VTI1A: variants seen among roughly 807,000 people sequenced by gnomAD.
The protein encoded by VTI1A is vesicle transport through interaction with t-SNAREs homolog 1A.
VTI1A carries 22 observed loss-of-function variants against 34.9 expected under a neutral mutation model. That is an observed-to-expected ratio of 0.63 (90% confidence interval 0.45 to 0.90). VTI1A has a LOEUF of 0.90. VTI1A is among the 40% of genes least tolerant of loss of function. VTI1A has a pLI of 0.00. For missense variants in VTI1A, 268 were observed against 275.6 expected (o/e 0.97, Z 0.20); for synonymous variants, 87 against 97.3 (o/e 0.89, Z 0.62).
intron 4 of VTI1A, among the ~76,000 whole-genome samples, chr10:112,532,231 C>T (rs1005192328): frequency 2.6e-5 from 4 of 152,104 alleles, no homozygotes; most frequent in Non-Finnish European, 4.4e-5. Context: ...TTGAGATATC[C>T]GGGCTATAGT....
At chr10:112,504,335 A>G in intron 3 of VTI1A, among the ~76,000 whole-genome samples, 1 of 152,142 alleles carries the variant, frequency 6.6e-6, no homozygotes, top group South Asian at 2.1e-4. Flanking sequence ...CTTTAAATAT[A>G]CACAAGCAAA....
intron 4 of VTI1A, chr10:112,533,617 T>C: frequency 1.1e-6 from 1 of 916,398 alleles, no homozygotes; most frequent in Non-Finnish European, 1.3e-6. Context: ...AGTTTTTAAA[T>C]CTGAAGTGGA....
At chr10:112,542,508 A>G (rs1850906938) in intron 5 of VTI1A, among the ~76,000 whole-genome samples, 1 of 152,096 alleles carries the variant, frequency 6.6e-6, no homozygotes, top group East Asian at 1.9e-4. Context: ...CCAGGTGGCC[A>G]CTGATCTCTC....
intron 5 of VTI1A, among the ~76,000 whole-genome samples, chr10:112,606,332 G>A (rs2134493217): frequency 6.6e-6 from 1 of 151,962 alleles, no homozygotes. Flanking sequence ...GCCATTGCGT[G>A]CTATTCTGAT....
chr10:112,691,088 G>A (rs12242366), intron 7 of VTI1A, among the ~76,000 whole-genome samples: 57 of 151,894 alleles, frequency 3.8e-4, no homozygotes, highest in Admixed American at 6.6e-4. Flanking sequence ...GCGAAACCCC[G>A]TCTCTACTAA....
intron 5 of VTI1A, among the ~76,000 whole-genome samples, chr10:112,616,355 A>G (rs1445261707): frequency 6.6e-6 from 1 of 152,208 alleles, no homozygotes; most frequent in Non-Finnish European, 1.5e-5. Flanking sequence ...TGGGATAGCT[A>G]AATTCGAAAC....
intron 3 of VTI1A, among the ~76,000 whole-genome samples, chr10:112,474,275 G>C (rs929797298): frequency 2.6e-5 from 4 of 151,700 alleles, no homozygotes; most frequent in African/African-American, 9.7e-5. Flanking sequence ...CTGTGGTCTC[G>C]ATCTCCTGAC....
intron 5 of VTI1A, among the ~76,000 whole-genome samples, chr10:112,642,900 T>C (rs1024627208): frequency 6.6e-6 from 1 of 152,076 alleles, no homozygotes; most frequent in Admixed American, 6.6e-5. Flanking sequence ...CTTTTGGACA[T>C]TGGTGACACT....
chr10:112,844,542 G>T, the VTI1A span, among the ~76,000 whole-genome samples: 2 of 152,250 alleles, frequency 1.3e-5, no homozygotes, highest in South Asian at 4.1e-4. Flanking sequence ...GGGATTACAG[G>T]TGCCCACCAC....
rs1055100841 is a variant in VTI1A, at chr10:112,636,491, C to T, written c.428-31727C>T. Reference sequence around the variant, plus strand: ...CAGTAATACCAGCACTTTGGGAGGCCGAGGTGGATGGATCACAAGGTCAAG... The same window carrying T: ...CAGTAATACCAGCACTTTGGGAGGCTGAGGTGGATGGATCACAAGGTCAAG... On this transcript the variant is annotated intron_variant, in intron 5 of 7. Coordinates refer to ENST00000393077, the MANE Select transcript of VTI1A (RefSeq NM_145206.4). Among the ~76,000 whole-genome samples, 19 of 151,932 alleles carry T rather than the reference C, an allele frequency of 1.3e-4. No homozygotes were observed. In the East Asian group the frequency reaches 2.1e-3, roughly 17 times the overall value.
the VTI1A span, among the ~76,000 whole-genome samples, chr10:112,852,646 GC>G: frequency 2.6e-5 from 4 of 152,238 alleles, no homozygotes; most frequent in Non-Finnish European, 5.9e-5. Flanking sequence ...TGTCTATGGT[GC>G]ATATCTGCTT....
intron 3 of VTI1A, among the ~76,000 whole-genome samples, chr10:112,472,122 C>G (rs571746054): frequency 6.6e-6 from 1 of 152,154 alleles, no homozygotes; most frequent in Non-Finnish European, 1.5e-5. Context: ...AGCTGAACTT[C>G]CTTTAAGACA....
At chr10:112,849,882 G>A in the VTI1A span, among the ~76,000 whole-genome samples, 2 of 152,288 alleles carry the variant, frequency 1.3e-5, no homozygotes, top group Admixed American at 1.3e-4. Context: ...CTGGCGAGGT[G>A]GGTGCAAGGG....
chr10:112,802,038 G>A (rs1289809644), intron 7 of VTI1A, among the ~76,000 whole-genome samples: 1 of 152,110 alleles, frequency 6.6e-6, no homozygotes, highest in Admixed American at 6.6e-5. Context: ...GCTGGAGCCC[G>A]GGAATTTGAG....
At position 112,668,927 on chromosome 10, in the gene VTI1A, C is replaced by T. The variant is rs763956230; in HGVS notation, c.499-10C>T. ...CATGAACTTCTGTTTTGTTTTGTTTCTTCTTGTAGCTTCGGGAAACAGATG... is the reference window on the plus strand; with the variant it reads ...CATGAACTTCTGTTTTGTTTTGTTTTTTCTTGTAGCTTCGGGAAACAGATG... On this transcript the variant is annotated splice_polypyrimidine_tract_variant and intron_variant, in intron 6 of 7. Coordinates refer to ENST00000393077, the MANE Select transcript of VTI1A (RefSeq NM_145206.4). The T allele has an allele frequency of 1.2e-6, 2 of 1,611,786 alleles. No individual in the cohort carries two copies. The highest frequency in any genetic ancestry group is 1.7e-6 in the Non-Finnish European group (2 of 1,178,436).
chr10:112,822,124 A>G (rs1853665456), downstream of VTI1A, among the ~76,000 whole-genome samples: 1 of 152,072 alleles, frequency 6.6e-6, no homozygotes, highest in Admixed American at 6.5e-5. Flanking sequence ...GACCCACTAC[A>G]TGAGGGAGCC....
intron 7 of VTI1A, among the ~76,000 whole-genome samples, chr10:112,706,148 G>T (rs1849189914): frequency 6.6e-6 from 1 of 152,244 alleles, no homozygotes; most frequent in African/African-American, 2.4e-5. Context: ...CACGTCCTCA[G>T]AGAAAGTGCT....
At chr10:112,782,215 C>T (rs551561103) in intron 7 of VTI1A, among the ~76,000 whole-genome samples, 2 of 152,376 alleles carry the variant, frequency 1.3e-5, no homozygotes, top group South Asian at 2.1e-4. Flanking sequence ...CTCATCAGAG[C>T]GCTTGCTGGA....
At chr10:112,482,314 T>C (rs1848484735) in intron 3 of VTI1A, among the ~76,000 whole-genome samples, 1 of 152,194 alleles carries the variant, frequency 6.6e-6, no homozygotes, top group Non-Finnish European at 1.5e-5. Context: ...TTTCATCATA[T>C]AAATTTACTT....
Sources: gnomAD v4.1 joint callset for allele counts (sites outside exome capture counted in the v4.1 genomes callset) on GRCh38, gnomAD v4.1.1 for gene constraint, MANE v1.5 for transcripts, NCBI Gene and HGNC (gene_info 2026-07-23, HGNC 2026-07-21) for gene names.